SMC6: variants seen among roughly 807,000 people sequenced by gnomAD.
SMC6 encodes the protein structural maintenance of chromosomes protein 6.
Under a neutral mutation model 142.2 loss-of-function variants are expected in SMC6, and 79 were observed. The observed-to-expected ratio is 0.56, with a 90% CI of 0.46 to 0.67. SMC6 has a LOEUF of 0.67. Ranked by LOEUF, SMC6 falls within the 30% of genes least tolerant of loss-of-function variation. The pLI is 0.00. For synonymous variants in SMC6, 411 were observed against 412.4 expected (o/e 1.00, Z 0.04); for missense variants, 1,072 against 1,284.0 (o/e 0.83, Z 2.52).
intron 18 of SMC6, 134 bp from the exon 19 acceptor site, chr2:17,703,426 T>C (rs1033920362): frequency 1.9e-5 from 13 of 674,672 alleles, no homozygotes; most frequent in Non-Finnish European, 2.8e-5. Flanking sequence ...ACCAGTTCTA[T>C]AATCCTACCA....
chr2:17,698,465 C>A (rs1313509723), intron 21 of SMC6, among the ~76,000 whole-genome samples: 1 of 152,000 alleles, frequency 6.6e-6, no homozygotes, highest in African/African-American at 2.4e-5. Flanking sequence ...AACCTTTTGT[C>A]ATTACGTAAT....
chr2:17,730,095 G>A (rs996098873), intron 7 of SMC6, among the ~76,000 whole-genome samples: 1 of 152,146 alleles, frequency 6.6e-6, no homozygotes, highest in African/African-American at 2.4e-5. Context: ...CCAAATCCAG[G>A]TTCTACCAGT....
At chr2:17,739,123 T>A (rs764470626) in intron 4 of SMC6, among the ~76,000 whole-genome samples, 5 of 152,350 alleles carry the variant, frequency 3.3e-5, no homozygotes, top group Non-Finnish European at 7.4e-5. Context: ...TTTTATATAA[T>A]ATTTTGACAA....
Position 17,686,780 on chromosome 2 carries a change from A to G in SMC6, c.2679-3017T>C, listed in dbSNP as rs1667475533. On this transcript the variant is annotated intron_variant, in intron 23 of 27. Transcript: ENST00000448223. ...AATTAGTGTAAGAAAACGATTGCTT[A>G]TATAAATTCAGAATCAGGAATGACA... Among the ~76,000 whole-genome samples, 2 of 152,360 alleles carry G rather than the reference A, an allele frequency of 1.3e-5. 1 individual carries two copies. The highest frequency in any genetic ancestry group is 1.3e-4 in the Admixed American group (2 of 15,300).
At chr2:17,667,938 G>A (rs919781050) in intron 26 of SMC6, among the ~76,000 whole-genome samples, 28 of 152,302 alleles carry the variant, frequency 1.8e-4, no homozygotes, top group African/African-American at 6.7e-4. Context: ...GTCAAAATGG[G>A]ATACACATCC....
chr2:17,715,064 T>C lies in SMC6; in HGVS notation c.1527A>G (p.Gly509=). The part of the protein sequence containing the change: ...HFTYKPVGPL[G]ACIHLRDPEL... ...CTGGGTCCCGAAGATGAATGCAAGCTCCTAAAAGTGAGAGAAAATTACAGA... is the reference window on the plus strand; with the variant it reads ...CTGGGTCCCGAAGATGAATGCAAGCCCCTAAAAGTGAGAGAAAATTACAGA... The change falls in exon 16 of 28, where the codon GGA becomes GGG. Residue 509 remains glycine, a splice_region_variant and synonymous_variant. Coordinates refer to ENST00000448223, the MANE Select transcript of SMC6 (RefSeq NM_001142286.2). The C allele has an allele frequency of 6.2e-7, 1 of 1,610,894 alleles. No homozygotes were observed. The highest frequency in any genetic ancestry group is 8.5e-7 in the Non-Finnish European group (1 of 1,179,392).
chr2:17,718,363 T>C (rs1259482090), intron 11 of SMC6, 140 bp from the exon 12 acceptor site: 1 of 479,934 alleles, frequency 2.1e-6, no homozygotes, highest in Non-Finnish European at 3.5e-6. Flanking sequence ...CATAACATTA[T>C]ATAAAATACT....
At chr2:17,750,426 A>AT (rs2125096081) in intron 2 of SMC6, among the ~76,000 whole-genome samples, 1 of 152,346 alleles carries the variant, frequency 6.6e-6, no homozygotes, top group South Asian at 2.1e-4. Context: ...TCTTTATGAG[A>AT]TAAATATTGC....
chr2:17,695,924 G>A (rs1169089156), intron 22 of SMC6, among the ~76,000 whole-genome samples: 2 of 152,130 alleles, frequency 1.3e-5, no homozygotes, highest in East Asian at 3.9e-4. Context: ...TGTCTCGTAG[G>A]AGCTAAAATC....
Position 17,718,140 on chromosome 2 carries a change from T to A in SMC6, c.1029A>T (p.Ala343=). ...EKISEETNAR[A]PECMALKADV... ...CTGCTTTCAATGCCATACATTCTGGTGCTCGTGCATTTGTCTCTTCACTAA... is the reference window on the plus strand; with the variant it reads ...CTGCTTTCAATGCCATACATTCTGGAGCTCGTGCATTTGTCTCTTCACTAA... The change falls in exon 12 of 28, where the codon GCA becomes GCT. Residue 343 remains alanine (A), a synonymous_variant. Transcript: ENST00000448223. The A allele has an allele frequency of 6.2e-7, 1 of 1,612,014 alleles. No homozygotes were observed. The highest frequency in any genetic ancestry group is 8.5e-7 in the Non-Finnish European group (1 of 1,178,658).
Position 17,720,939 on chromosome 2 carries a change from C to A in SMC6, c.945+1G>T. ...AATCTGCATTTAAAAACTGTAATTA[C>A]CTGCTGTTCTTCCATTTTCCTGTCA... On this transcript the variant is annotated splice_donor_variant, in intron 11 of 27. Coordinates refer to ENST00000448223, the MANE Select transcript of SMC6 (RefSeq NM_001142286.2). LOFTEE classifies it high-confidence loss of function. 1 of 1,610,896 alleles carries A rather than the reference C, an allele frequency of 6.2e-7. No individual in the cohort carries two copies. Among genetic ancestry groups the A allele is most frequent in the Non-Finnish European group, 8.5e-7 (1 of 1,177,986 alleles).
At position 17,716,833 on chromosome 2, in the gene SMC6, C is replaced by A; in HGVS notation, c.1254G>T (p.Lys418Asn). The A allele has an allele frequency of 6.2e-7, 1 of 1,613,356 alleles. No homozygotes were observed. Reference protein sequence around the residue: ...KKISWLKERVKAFQNQENSVN... With the variant: ...KKISWLKERVNAFQNQENSVN... ...CTGAATTTTCTTGATTTTGAAAGGCCTTTACTCTCTCTTTTAACCAAGATA... is the reference window on the plus strand; with the variant it reads ...CTGAATTTTCTTGATTTTGAAAGGCATTTACTCTCTCTTTTAACCAAGATA... Residue 418 changes from lysine (K) to asparagine (N), a missense_variant, in exon 14 of 28, where the codon AAG becomes AAT. Coordinates refer to ENST00000448223, the MANE Select transcript of SMC6 (RefSeq NM_001142286.2).
intron 16 of SMC6, among the ~76,000 whole-genome samples, 194 bp from the exon 17 acceptor site, chr2:17,708,947 A>G (rs1273444840): frequency 6.6e-6 from 1 of 152,080 alleles, no homozygotes; most frequent in African/African-American, 2.4e-5. Context: ...TTATTTATTT[A>G]GCATTTATAT....
intron 7 of SMC6, among the ~76,000 whole-genome samples, chr2:17,727,223 T>C (rs1422129831): frequency 6.6e-6 from 1 of 152,116 alleles, no homozygotes. Flanking sequence ...TTTCAGTCAG[T>C]GGGCTGGGAA....
rs775789458 is a variant in SMC6 at position 17,715,080 on chromosome 2, A to G, written c.1526-15T>C. ...AATGCAAGCTCCTAAAAGTGAGAGA[A>G]AATTACAGAAGGGCTCATAAATACT... On this transcript the variant is annotated splice_polypyrimidine_tract_variant and intron_variant, in intron 15 of 27. Transcript: ENST00000448223. 6.2e-7 allele frequency: 1 copy of G among 1,609,344 alleles called. No individual in the cohort carries two copies. The highest frequency in any genetic ancestry group is 2.2e-5 in the East Asian group (1 of 44,792).
In SMC6 at chr2:17,691,613, G is replaced by T. The variant is rs1667731393; in HGVS notation, c.2678+3539C>A. ...ACAAACCCACAGCCAATATCATACTGAATGGGCAAAAACTGGAAGCATTCC... is the reference window on the plus strand; with the variant it reads ...ACAAACCCACAGCCAATATCATACTTAATGGGCAAAAACTGGAAGCATTCC... On this transcript the variant is annotated intron_variant, in intron 23 of 27. Coordinates refer to ENST00000448223, the MANE Select transcript of SMC6 (RefSeq NM_001142286.2). Among the ~76,000 whole-genome samples the T allele has an allele frequency of 4.6e-5, 7 of 152,028 alleles. No homozygotes were observed. The South Asian group carries it at 1.5e-3, about 32-fold the overall frequency.
intron 5 of SMC6, among the ~76,000 whole-genome samples, chr2:17,736,437 G>GA (rs532764714): frequency 2.0e-4 from 30 of 151,288 alleles, no homozygotes; most frequent in Non-Finnish European, 4.0e-4. Flanking sequence ...TCAAATGGGG[G>GA]AAAAAAAAGT....
intron 5 of SMC6, among the ~76,000 whole-genome samples, chr2:17,733,693 G>A (rs1274227865): frequency 6.6e-6 from 1 of 152,228 alleles, no homozygotes; most frequent in Non-Finnish European, 1.5e-5. Flanking sequence ...TAGACCTAGA[G>A]AAACCAATTT....
intron 5 of SMC6, among the ~76,000 whole-genome samples, chr2:17,733,689 T>C (rs1670014237): frequency 6.6e-6 from 1 of 152,216 alleles, no homozygotes; most frequent in Non-Finnish European, 1.5e-5. Context: ...CCTCTAGACC[T>C]AGAGAAACCA....
Sources: gnomAD v4.1 joint callset for allele counts (sites outside exome capture counted in the v4.1 genomes callset) on GRCh38, gnomAD v4.1.1 for gene constraint, MANE v1.5 for transcripts, NCBI Gene and HGNC (gene_info 2026-07-23, HGNC 2026-07-21) for gene names.